Variants in DNAJC17 observed in about 807,000 individuals in gnomAD.
DNAJC17 encodes dnaJ homolog subfamily C member 17.
In DNAJC17, 35 loss-of-function variants were observed where a neutral mutation model predicts 48.1. The observed-to-expected ratio is 0.73, with a 90% CI of 0.56 to 0.96. The LOEUF is 0.96. DNAJC17 is among the 50% of genes least tolerant of loss of function. DNAJC17 has a pLI of 0.00. For missense variants in DNAJC17, 355 were observed against 377.1 expected, an observed-to-expected ratio of 0.94 and a Z score of 0.48; for synonymous variants, 117 against 142.7, an observed-to-expected ratio of 0.82 and a Z score of 1.28.
chr15:40,781,081 G>A (rs1889472891), intron 1 of DNAJC17, among the ~76,000 whole-genome samples: 1 of 150,776 alleles, frequency 6.6e-6, no homozygotes, highest in Non-Finnish European at 1.5e-5. Context: ...CATGCAGGAG[G>A]CAGAGGTTGC....
chr15:40,776,924 C>A, intron 4 of DNAJC17: 1 of 322,590 alleles, frequency 3.1e-6, no homozygotes, highest in Admixed American at 4.3e-5. Flanking sequence ...GTCAGCAGCC[C>A]AGGGCCATGT....
intron 1 of DNAJC17, among the ~76,000 whole-genome samples, chr15:40,800,955 CAA>C (rs755967211): frequency 2.0e-3 from 214 of 107,780 alleles, no homozygotes; most frequent in African/African-American, 3.6e-3. Context: ...GACTCCGTCT[CAA>C]AAAAAAAAAA....
At chr15:40,773,295 G>T (rs1889209066) in intron 10 of DNAJC17, among the ~76,000 whole-genome samples, 1 of 152,100 alleles carries the variant, frequency 6.6e-6, no homozygotes, top group African/African-American at 2.4e-5. Flanking sequence ...ATTGCCTCTT[G>T]ACAGTCGGTC....
rs536155230 is a variant in DNAJC17, at chr15:40,793,807, A to G, written c.78+13562T>C. ...AAGCCTCAAAACAATGCGATCAAGG[A>G]CAGACTATCATCATCCTCGTTTTGC... is the stretch of plus-strand genomic sequence containing the variant. On this transcript the variant is annotated intron_variant, in intron 1 of 10. Transcript: ENST00000220496. 1.8e-3 allele frequency among the ~76,000 whole-genome samples: 268 copies of G among 152,206 alleles called. 2 individuals carry two copies. Among genetic ancestry groups the G allele is most frequent in the African/African-American group, 6.3e-3 (262 of 41,544 alleles).
At chr15:40,800,955 CAAA>C (rs755967211) in intron 1 of DNAJC17, among the ~76,000 whole-genome samples, 11 of 107,822 alleles carry the variant, frequency 1.0e-4, no homozygotes, top group Admixed American at 1.0e-4. Flanking sequence ...GACTCCGTCT[CAAA>C]AAAAAAAAAA....
chr15:40,768,076 C>G lies in DNAJC17; in HGVS notation c.793-14G>C, dbSNP rs750446263. On this transcript the variant is annotated splice_polypyrimidine_tract_variant and intron_variant, in intron 10 of 10. Transcript: ENST00000220496. ...CAGCACTGAGCCCTGTCGGACAGGG[C>G]AGGGACAGGGAGGGGTCAGGGACAG... 1.3e-6 allele frequency: 2 copies of G among 1,534,582 alleles called. No homozygotes were observed. The highest frequency in any genetic ancestry group is 4.6e-5 in the East Asian group (2 of 43,350).
intron 1 of DNAJC17, among the ~76,000 whole-genome samples, chr15:40,805,361 G>C (rs1399826601): frequency 3.0e-5 from 4 of 133,670 alleles, no homozygotes; most frequent in African/African-American, 1.1e-4. Flanking sequence ...GGGCCAAAGA[G>C]TGATACTCTG....
rs1339363639 is a variant in DNAJC17 at position 40,771,174 on chromosome 15, C to T, written c.792+2553G>A. The T allele has an allele frequency of 5.3e-6, 4 of 748,380 alleles. No individual in the cohort carries two copies. In the African/African-American group the frequency reaches 7.1e-5, roughly 13 times the overall value. The allele number at this position is 748,380 out of a possible 1,614,324, so 46.4% of individuals were successfully genotyped here. A position where few individuals can be genotyped will look rare whatever the true frequency, so the allele number is the denominator to read the frequency against. On this transcript the variant is annotated intron_variant, in intron 10 of 10. Coordinates refer to ENST00000220496, the MANE Select transcript of DNAJC17 (RefSeq NM_018163.3). ...GGGGGAGGATTCCAGGATAGGAATC[C>T]AGGGCTCTGCCTGCTCTCTGGGTCC... is the stretch of plus-strand genomic sequence containing the variant.
intron 1 of DNAJC17, among the ~76,000 whole-genome samples, chr15:40,781,583 T>C (rs956186817): frequency 6.6e-6 from 1 of 152,112 alleles, no homozygotes; most frequent in African/African-American, 2.4e-5. Flanking sequence ...TAAAATATTA[T>C]AGTAGACAGA....
chr15:40,800,631 GT>G (rs141005882), intron 1 of DNAJC17, among the ~76,000 whole-genome samples: 11 of 141,792 alleles, frequency 7.8e-5, no homozygotes, highest in African/African-American at 2.1e-4. Flanking sequence ...GTTGAGCTGT[GT>G]TTTTTTTTCT....
intron 6 of DNAJC17, among the ~76,000 whole-genome samples, 184 bp downstream of exon 6, chr15:40,776,012 G>A (rs1283086556): frequency 2.0e-5 from 3 of 152,158 alleles, no homozygotes; most frequent in Non-Finnish European, 4.4e-5. Context: ...AAAGCAAATA[G>A]GCCCCAGAGA....
chr15:40,801,482 T>G (rs1054836287), intron 1 of DNAJC17, among the ~76,000 whole-genome samples: 1 of 151,684 alleles, frequency 6.6e-6, no homozygotes, highest in Non-Finnish European at 1.5e-5. Context: ...ATTGGCTGGG[T>G]GCGGTGGCTC....
chr15:40,786,819 T>G lies in DNAJC17; in HGVS notation c.79-6822A>C, dbSNP rs143964775. Among the ~76,000 whole-genome samples, 44 of 152,334 alleles carry G rather than the reference T, an allele frequency of 2.9e-4. No individual in the cohort carries two copies. In the East Asian group the frequency reaches 7.9e-3, roughly 27 times the overall value. On this transcript the variant is annotated intron_variant, in intron 1 of 10. Coordinates refer to ENST00000220496, the MANE Select transcript of DNAJC17 (RefSeq NM_018163.3). ...TGTAAGCTCCGTGAGTACTTCGAACTGCAATTTGCAGAAACTTGGTCTTTC... is the reference window on the plus strand; with the variant it reads ...TGTAAGCTCCGTGAGTACTTCGAACGGCAATTTGCAGAAACTTGGTCTTTC...
At chr15:40,800,498 T>A (rs79980934) in intron 1 of DNAJC17, among the ~76,000 whole-genome samples, 21 of 151,394 alleles carry the variant, frequency 1.4e-4, no homozygotes, top group African/African-American at 4.4e-4. Context: ...TTTTTTTTTT[T>A]AATTTTTTTA....
chr15:40,766,144 G>T lies in DNAJC17; in HGVS notation c.*1796C>A. The T allele has an allele frequency of 2.6e-6, 1 of 379,548 alleles. No individual in the cohort carries two copies. Among genetic ancestry groups the T allele is most frequent in the Non-Finnish European group, 4.8e-6 (1 of 209,294 alleles). 23.5% of individuals were successfully genotyped at this position (379,548 alleles called of 1,614,324 possible). A position where few individuals can be genotyped will look rare whatever the true frequency, so the allele number is the denominator to read the frequency against. ...CTGAAAGCTTTCCACATCCTTACTG[G>T]AACCGCAGAAACAGAGTCCGTTCCC... On this transcript the variant is annotated 3_prime_UTR_variant, in exon 11 of 11. Coordinates refer to ENST00000220496, the MANE Select transcript of DNAJC17 (RefSeq NM_018163.3).
chr15:40,777,323 GCTTTT>G (rs1889357304), intron 4 of DNAJC17, among the ~76,000 whole-genome samples: 1 of 124,672 alleles, frequency 8.0e-6, no homozygotes. Flanking sequence ...CCTGGCACTT[GCTTTT>G]CTTTTAATAT....
In DNAJC17 at chr15:40,775,072, C is replaced by A. The variant is rs1443619113; in HGVS notation, c.559G>T (p.Gly187Cys). The A allele has an allele frequency of 6.2e-7, 1 of 1,614,066 alleles. No homozygotes were observed. Among genetic ancestry groups the A allele is most frequent in the Admixed American group, 1.7e-5 (1 of 59,988 alleles). Residue 187 changes from glycine (G) to cysteine (C), a missense_variant, in exon 8 of 11, where the codon GGT becomes TGT. Coordinates refer to ENST00000220496, the MANE Select transcript of DNAJC17 (RefSeq NM_018163.3). ...WKCKKEDESKGGYSKDVLLRL... is the reference protein window; with the variant it reads ...WKCKKEDESKCGYSKDVLLRL... ...AGGAGGACGTCTTTGGAGTAGCCAC[C>A]TTTTGACTCATCCTCCTTCTTGCAC...
chr15:40,775,444 G>A lies in DNAJC17; in HGVS notation c.522+109C>T, dbSNP rs1480909380. On this transcript the variant is annotated intron_variant, in intron 7 of 10. Transcript: ENST00000220496. ...GAGGTGGTAATGGTGCGGGCTCCAC[G>A]CAGATCCAGCAGCCCCACCAGAAAC... is the stretch of plus-strand genomic sequence containing the variant. The A allele has an allele frequency of 1.9e-5, 24 of 1,272,482 alleles. No homozygotes were observed. The Admixed American group carries it at 2.7e-4, about 14-fold the overall frequency. 78.8% of individuals were successfully genotyped at this position (1,272,482 alleles called of 1,614,324 possible).
intron 10 of DNAJC17, chr15:40,772,498 G>C (rs1284161162): frequency 6.0e-6 from 1 of 165,662 alleles, no homozygotes; most frequent in Admixed American, 6.5e-5. Context: ...TTGAAGGTGG[G>C]AATGAGGTCT....
Sources: allele counts gnomAD v4.1 joint callset (sites outside exome capture counted in the v4.1 genomes callset), GRCh38; gene constraint gnomAD v4.1.1; transcripts MANE v1.5; gene names NCBI Gene and HGNC (gene_info 2026-07-23, HGNC 2026-07-21).